Variants in RASGRF1 observed in about 807,000 individuals in gnomAD.
RASGRF1 encodes Ras protein specific guanine nucleotide releasing factor 1, also known as ras-specific guanine nucleotide-releasing factor 1.
RASGRF1 carries 40 observed loss-of-function variants against 138.7 expected under a neutral mutation model. The observed-to-expected ratio is 0.29, with a 90% CI of 0.22 to 0.38. RASGRF1 has a LOEUF of 0.38. RASGRF1 is among the 10% of genes least tolerant of loss of function. RASGRF1 has a pLI of 1.00. For synonymous variants in RASGRF1, 614 were observed against 663.2 expected, an observed-to-expected ratio of 0.93 and a Z score of 1.14; for missense variants, 1,108 against 1,650.4, an observed-to-expected ratio of 0.67 and a Z score of 5.69.
chr15:79,089,748 G>C (rs2058028459), intron 1 of RASGRF1, among the ~76,000 whole-genome samples: 1 of 152,254 alleles, frequency 6.6e-6, no homozygotes, highest in African/African-American at 2.4e-5. Flanking sequence ...GGCAAGGGCT[G>C]GCAGCGCTCG....
intron 10 of RASGRF1, among the ~76,000 whole-genome samples, chr15:79,023,374 T>C (rs114409844): frequency 1.6e-4 from 25 of 152,228 alleles, no homozygotes; most frequent in African/African-American, 6.0e-4. Flanking sequence ...CCTTATTTGA[T>C]AGAGGAAGTG....
chr15:78,962,053 G>C lies in RASGRF1; in HGVS notation c.*91C>G. On this transcript the variant is annotated 3_prime_UTR_variant, in exon 27 of 27. Coordinates refer to ENST00000558480, the MANE Select transcript of RASGRF1 (RefSeq NM_001145648.3). ...TTGTATTCTTGGAGAAGCACATACTGAAGAAGAAAATCCAGTGAAACCAAA... is the reference window on the plus strand; with the variant it reads ...TTGTATTCTTGGAGAAGCACATACTCAAGAAGAAAATCCAGTGAAACCAAA... 5.1e-6 allele frequency: 4 copies of C among 788,206 alleles called. No individual in the cohort carries two copies. Among genetic ancestry groups the C allele is most frequent in the Non-Finnish European group, 8.5e-6 (4 of 471,184 alleles). The allele number at this position is 788,206 out of a possible 1,614,324, so 48.8% of individuals were successfully genotyped here.
rs1301546597 is a variant in RASGRF1, at chr15:79,049,156, G to T, written c.624+340C>A. Among the ~76,000 whole-genome samples, 6 of 152,134 alleles carry T rather than the reference G, an allele frequency of 3.9e-5. No individual in the cohort carries two copies. In the East Asian group the frequency reaches 9.6e-4, roughly 24 times the overall value. On this transcript the variant is annotated intron_variant, in intron 4 of 26. Coordinates refer to ENST00000558480, the MANE Select transcript of RASGRF1 (RefSeq NM_001145648.3). ...TGGCAGTGGAGAGGTGGCCCTGGGG[G>T]TCTTGGCAAGGTGAATGGCAATGCG...
chr15:79,049,529 G>A lies in RASGRF1; in HGVS notation c.591C>T (p.Asn197=), dbSNP rs763745429. 5.1e-5 allele frequency: 83 copies of A among 1,613,954 alleles called. No homozygotes were observed. The highest frequency in any genetic ancestry group is 3.8e-4 in the South Asian group (35 of 91,070). The change falls in exon 4 of 27, where the codon AAC becomes AAT. Residue 197 remains asparagine, a synonymous_variant. Coordinates refer to ENST00000558480, the MANE Select transcript of RASGRF1 (RefSeq NM_001145648.3). ...TTTTCTTGATGTCGCTGTCTTCATCGTTGGGGGCGACAGTCTGGGTGGACT... is the reference window on the plus strand; with the variant it reads ...TTTTCTTGATGTCGCTGTCTTCATCATTGGGGGCGACAGTCTGGGTGGACT... ...RIQSTQTVAP[N]DEDSDIKKIK...
chr15:79,068,121 AC>A (rs1192793261), intron 1 of RASGRF1, among the ~76,000 whole-genome samples: 1 of 152,116 alleles, frequency 6.6e-6, no homozygotes, highest in African/African-American at 2.4e-5. Context: ...GAGCCCAGCC[AC>A]GGTGGAGGTA....
At chr15:78,982,942 G>A (rs2056068347) in intron 23 of RASGRF1, among the ~76,000 whole-genome samples, 2 of 152,124 alleles carry the variant, frequency 1.3e-5, no homozygotes, top group African/African-American at 4.8e-5. Flanking sequence ...AAGGGGAAAT[G>A]AAAAGTCCCA....
In RASGRF1 at chr15:79,049,503, A is replaced by G. The variant is rs2057400437; in HGVS notation, c.617T>C (p.Ile206Thr). The stretch of plus-strand genomic sequence containing the variant: ...CAGAGGGATAGCACTGACCTTCTTA[A>G]TTTTCTTGATGTCGCTGTCTTCATC... The part of the protein sequence containing the change: ...PNDEDSDIKK[I>T]KKVQSFLRGW... The change falls in exon 4 of 27, where the codon ATT becomes ACT. Residue 206 changes from isoleucine to threonine, a missense_variant. Ile to Thr is a moderately conservative substitution (Grantham distance 89). This residue lies in a region of RASGRF1 where 253 missense variants were observed against 329.5 expected (regional missense o/e 0.77). Coordinates refer to ENST00000558480, the MANE Select transcript of RASGRF1 (RefSeq NM_001145648.3). The G allele has an allele frequency of 6.2e-7, 1 of 1,613,634 alleles. No individual in the cohort carries two copies. Among genetic ancestry groups the G allele is most frequent in the Admixed American group, 1.7e-5 (1 of 59,968 alleles).
At chr15:78,971,458 G>C (rs1024083431) in intron 26 of RASGRF1, among the ~76,000 whole-genome samples, 23 of 152,318 alleles carry the variant, frequency 1.5e-4, no homozygotes, top group South Asian at 2.1e-4. Context: ...ATTGCCTGTG[G>C]ACCTAGACAC....
intron 5 of RASGRF1, among the ~76,000 whole-genome samples, chr15:79,045,356 C>T (rs996020959): frequency 1.3e-5 from 2 of 152,238 alleles, no homozygotes; most frequent in Admixed American, 1.3e-4. Flanking sequence ...GTCACTGAAT[C>T]TAAACAACCC....
chr15:78,990,070 G>A, intron 22 of RASGRF1, 119 bp downstream of exon 22: 1 of 845,994 alleles, frequency 1.2e-6, no homozygotes, highest in South Asian at 1.4e-5. Flanking sequence ...GGGTGGCAGG[G>A]CTGGAGAGGA....
chr15:79,080,000 T>C (rs1054097658), intron 1 of RASGRF1, among the ~76,000 whole-genome samples: 1 of 152,240 alleles, frequency 6.6e-6, no homozygotes, highest in African/African-American at 2.4e-5. Flanking sequence ...CATGGGGGCA[T>C]GCCCTATACT....
At chr15:79,039,155 G>T (rs1227380934) in intron 5 of RASGRF1, among the ~76,000 whole-genome samples, 1 of 151,736 alleles carries the variant, frequency 6.6e-6, no homozygotes, top group Non-Finnish European at 1.5e-5. Flanking sequence ...AAAAAAATTA[G>T]CCAGGAATGG....
At chr15:78,965,474 G>A (rs2055625662) in intron 26 of RASGRF1, among the ~76,000 whole-genome samples, 1 of 152,130 alleles carries the variant, frequency 6.6e-6, no homozygotes, top group Non-Finnish European at 1.5e-5. Context: ...GCATCAGACA[G>A]CAATGCTTTT....
In RASGRF1 at chr15:79,004,106, C is replaced by G. The variant is rs766902534; in HGVS notation, c.2145G>C (p.Pro715=). 3 of 1,613,412 alleles carry G rather than the reference C, an allele frequency of 1.9e-6. No homozygotes were observed. In the African/African-American group the frequency reaches 4.0e-5, roughly 22 times the overall value. ...GCGAGGAGAACTTGCGGGTGGCGCG[C>G]GGGGACTTGGGGGGTTCACCGTACA... is the stretch of plus-strand genomic sequence containing the variant. ...KLLYGEPPKS[P]RATRKFSSPP... is the part of the protein sequence containing the mutation. The change falls in exon 15 of 27, where the codon CCG becomes CCC. Residue 715 remains proline (P), a synonymous_variant. Transcript: ENST00000558480.
At position 78,999,789 on chromosome 15, in the gene RASGRF1, G is replaced by A. The variant is rs764763865; in HGVS notation, c.2700C>T (p.Gly900=). The A allele has an allele frequency of 1.8e-5, 29 of 1,614,040 alleles. No homozygotes were observed. The highest frequency in any genetic ancestry group is 1.3e-5 in the Non-Finnish European group (15 of 1,180,026). ...FAIATAGANE[G]TPNKEKYRRM... ...TCCGGTACTTCTCCTTGTTTGGGGTGCCCTCGTTGGCCCCGGCGGTTGCTA... is the reference window on the plus strand; with the variant it reads ...TCCGGTACTTCTCCTTGTTTGGGGTACCCTCGTTGGCCCCGGCGGTTGCTA... The change falls in exon 17 of 27, where the codon GGC becomes GGT. Residue 900 remains glycine (G), a synonymous_variant. Transcript: ENST00000558480.
chr15:79,070,515 C>T (rs977499476), intron 1 of RASGRF1, among the ~76,000 whole-genome samples: 2 of 152,154 alleles, frequency 1.3e-5, no homozygotes, highest in African/African-American at 4.8e-5. Flanking sequence ...TTTCAGATGA[C>T]AACAAATGAC....
intron 5 of RASGRF1, among the ~76,000 whole-genome samples, chr15:79,038,290 G>T (rs1320194144): frequency 1.3e-5 from 2 of 152,216 alleles, no homozygotes; most frequent in East Asian, 3.8e-4. Flanking sequence ...GGATGGACCA[G>T]GGAGGAAATG....
intron 24 of RASGRF1, chr15:78,978,834 A>T: frequency 2.6e-6 from 3 of 1,176,240 alleles, no homozygotes; most frequent in Non-Finnish European, 3.2e-6. Context: ...CAAGTCCAGA[A>T]CCTGGTTTGC....
At chr15:78,988,802 G>C (rs2056212433) in intron 22 of RASGRF1, among the ~76,000 whole-genome samples, 1 of 151,336 alleles carries the variant, frequency 6.6e-6, no homozygotes, top group African/African-American at 2.4e-5. Flanking sequence ...TTCAGGGGTT[G>C]GAACTTGCAC....
Sources: allele counts gnomAD v4.1 joint callset (sites outside exome capture counted in the v4.1 genomes callset), GRCh38; gene constraint gnomAD v4.1.1; regional missense constraint gnomAD v4.1.1; transcripts MANE v1.5; gene names NCBI Gene and HGNC (gene_info 2026-07-23, HGNC 2026-07-21).